Variants in BAZ2B observed in about 807,000 individuals in gnomAD.
The protein encoded by BAZ2B is bromodomain adjacent to zinc finger domain 2B, also known as bromodomain adjacent to zinc finger domain protein 2B.
A neutral mutation model predicts 246.0 loss-of-function variants in BAZ2B; 91 were observed. The observed-to-expected ratio is 0.37, with a 90% confidence interval of 0.31 to 0.44. The LOEUF is 0.44. Among genes scored for constraint, BAZ2B ranks in the 20% least tolerant of loss-of-function variants. BAZ2B has a pLI of 1.00. For synonymous variants in BAZ2B, 855 were observed against 860.0 expected, an observed-to-expected ratio of 0.99 and a Z score of 0.10; for missense variants, 2,332 against 2,533.7, an observed-to-expected ratio of 0.92 and a Z score of 1.71.
At chr2:159,359,335 G>A (rs932843153) in intron 27 of BAZ2B, among the ~76,000 whole-genome samples, 9 of 152,088 alleles carry the variant, frequency 5.9e-5, no homozygotes, top group African/African-American at 1.2e-4. Context: ...ACACCTCTAC[G>A]CAAATAAACT....
chr2:159,682,852 G>GA, the BAZ2B span, among the ~76,000 whole-genome samples: 1 of 151,540 alleles, frequency 6.6e-6, no homozygotes, highest in African/African-American at 2.4e-5. Context: ...TCCAGAAGAT[G>GA]AAAAAAAGCA....
intron 34 of BAZ2B, among the ~76,000 whole-genome samples, chr2:159,328,943 C>T (rs936297535): frequency 1.3e-4 from 20 of 152,066 alleles, no homozygotes; most frequent in African/African-American, 4.1e-4. Flanking sequence ...GCTTGGCCAA[C>T]ATGGCAAAAC....
At chr2:159,505,691 T>C (rs2082259332) in intron 2 of BAZ2B, among the ~76,000 whole-genome samples, 1 of 152,072 alleles carries the variant, frequency 6.6e-6, no homozygotes, top group Non-Finnish European at 1.5e-5. Flanking sequence ...GGGAAAAATA[T>C]ACAGATAGCT....
chr2:159,499,800 G>A lies in BAZ2B; in HGVS notation c.-2-21079C>T, dbSNP rs138065630. Among the ~76,000 whole-genome samples, 92 of 152,148 alleles carry A rather than the reference G, an allele frequency of 6.0e-4. 1 individual carries two copies. The East Asian group carries it at 0.015, about 25-fold the overall frequency. On this transcript the variant is annotated intron_variant, in intron 2 of 36. Transcript: ENST00000392783. ...ATGTTGAGCTTTTTTTCATATGTTT[G>A]TTGGCCACATGTATGTCTTCTTTTG...
intron 3 of BAZ2B, among the ~76,000 whole-genome samples, chr2:159,467,712 G>A (rs1034565665): frequency 7.2e-5 from 11 of 152,064 alleles, no homozygotes; most frequent in East Asian, 1.9e-4. Context: ...TGAGGTGGTC[G>A]TATAAATCCT....
chr2:159,410,012 A>C (rs537976371), intron 14 of BAZ2B, among the ~76,000 whole-genome samples: 94 of 152,352 alleles, frequency 6.2e-4, no homozygotes, highest in African/African-American at 2.0e-3. Flanking sequence ...TTAATTTTCT[A>C]AATTTAAATT....
chr2:159,440,142 T>C (rs1032286830), intron 6 of BAZ2B, among the ~76,000 whole-genome samples: 1 of 152,140 alleles, frequency 6.6e-6, no homozygotes, highest in East Asian at 1.9e-4. Context: ...TTCATAATTA[T>C]TTAACAATGG....
At chr2:159,491,198 G>C (rs142538963) in intron 2 of BAZ2B, among the ~76,000 whole-genome samples, 130 of 152,182 alleles carry the variant, frequency 8.5e-4, no homozygotes, top group African/African-American at 2.9e-3. Context: ...CCCTCCTTTA[G>C]TTGGCTATTG....
intron 16 of BAZ2B, among the ~76,000 whole-genome samples, chr2:159,404,137 G>C (rs887203831): frequency 6.6e-6 from 1 of 152,084 alleles, no homozygotes; most frequent in African/African-American, 2.4e-5. Context: ...TAAAAGAATA[G>C]TACTTTCTCC....
At chr2:159,470,411 T>A (rs2150781690) in intron 3 of BAZ2B, among the ~76,000 whole-genome samples, 1 of 152,294 alleles carries the variant, frequency 6.6e-6, no homozygotes, top group South Asian at 2.1e-4. Flanking sequence ...TATACATTTG[T>A]CAAAATTCAT....
the BAZ2B span, among the ~76,000 whole-genome samples, chr2:159,647,562 C>T: frequency 1.1e-4 from 17 of 152,136 alleles, no homozygotes; most frequent in Non-Finnish European, 2.2e-4. Context: ...ACCTGAGCAC[C>T]CCATGGCCCA....
intron 31 of BAZ2B, among the ~76,000 whole-genome samples, chr2:159,340,340 A>G (rs949683443): frequency 2.6e-5 from 4 of 152,122 alleles, no homozygotes; most frequent in African/African-American, 9.7e-5. Context: ...AGGTGAAGAG[A>G]AGGGAAAGGT....
intron 1 of BAZ2B, among the ~76,000 whole-genome samples, chr2:159,609,643 G>C (rs1168070745): frequency 6.6e-6 from 1 of 152,100 alleles, no homozygotes; most frequent in Non-Finnish European, 1.5e-5. Flanking sequence ...GTGACAGGTA[G>C]GACATGACCT....
At position 159,382,601 on chromosome 2, in the gene BAZ2B, T is replaced by C. The variant is rs967997; in HGVS notation, c.3963A>G (p.Lys1321=). 43,287 of 1,555,392 alleles carry C rather than the reference T, an allele frequency of 0.028. 768 individuals are homozygous for C. The highest frequency in any genetic ancestry group is 0.056 in the South Asian group (4,742 of 85,084). Residue 1321 remains lysine (K), a synonymous_variant, in exon 25 of 37, where the codon AAA becomes AAG. Transcript: ENST00000392783. The part of the protein sequence containing the change: ...GDEDDEDEED[K]EDKKGKKTDI... The stretch of plus-strand genomic sequence containing the variant: ...CAGTCTTTTTTCCTTTTTTGTCTTC[T>C]TTATCTTCTTCATCCTCATCATCTT...
chr2:159,551,340 A>G (rs61256367), intron 2 of BAZ2B, among the ~76,000 whole-genome samples: 7,536 of 151,852 alleles, frequency 0.05, 316 homozygotes, highest in African/African-American at 0.1. Context: ...GTGGTGGCGG[A>G]AACCTGTAGT....
At chr2:159,411,813 T>C (rs3771714) in intron 14 of BAZ2B, 51,683 of 394,520 alleles carry the variant, frequency 0.13, 4,078 homozygotes, top group Admixed American at 0.35. Context: ...TTAAAGTACT[T>C]TTTGATTTTA....
At chr2:159,389,513 T>C in intron 20 of BAZ2B, 28 bp from the exon 21 acceptor site, 1 of 1,536,596 alleles carries the variant, frequency 6.5e-7, no homozygotes, top group Non-Finnish European at 8.8e-7. Context: ...GTACACATAT[T>C]CTTCTTAATC....
At chr2:159,423,178 C>G (rs1408441293) in intron 13 of BAZ2B, among the ~76,000 whole-genome samples, 1 of 151,786 alleles carries the variant, frequency 6.6e-6, no homozygotes, top group African/African-American at 2.4e-5. Context: ...TAGCTGGGCG[C>G]GGTGGCAGGC....
intron 1 of BAZ2B, among the ~76,000 whole-genome samples, chr2:159,585,032 G>A (rs1408385770): frequency 6.6e-6 from 1 of 152,164 alleles, no homozygotes; most frequent in African/African-American, 2.4e-5. Context: ...AGAACCATAA[G>A]CCACTTAAAC....
Sources: allele counts gnomAD v4.1 joint callset (sites outside exome capture counted in the v4.1 genomes callset), GRCh38; gene constraint gnomAD v4.1.1; transcripts MANE v1.5; gene names NCBI Gene and HGNC (gene_info 2026-07-23, HGNC 2026-07-21).